Variants in SHANK2 observed in about 807,000 individuals in gnomAD.
The protein encoded by SHANK2 is SH3 and multiple ankyrin repeat domains protein 2.
SHANK2 carries 43 observed loss-of-function variants against 133.7 expected under a neutral mutation model. The ratio of observed to expected loss-of-function variants is 0.32; its 90% CI spans 0.25 to 0.41. SHANK2 has a LOEUF of 0.41. Among genes scored for constraint, SHANK2 ranks in the 10% least tolerant of loss-of-function variants. The probability of loss-of-function intolerance (pLI) is 1.00; values close to 1 mark genes in which losing one functional copy is unlikely to be tolerated. For synonymous variants in SHANK2, 1,017 were observed against 952.8 expected (o/e 1.07, Z -1.24); for missense variants, 1,994 against 2,235.8 (o/e 0.89, Z 2.18).
chr11:70,735,231 G>A (rs531712146), intron 14 of SHANK2, among the ~76,000 whole-genome samples: 1 of 152,344 alleles, frequency 6.6e-6, no homozygotes, highest in South Asian at 2.1e-4. Flanking sequence ...CACCTTGTGA[G>A]TGTTCTGCAA....
At chr11:71,150,926 T>C (rs1202711619) in intron 2 of SHANK2, among the ~76,000 whole-genome samples, 3 of 152,106 alleles carry the variant, frequency 2.0e-5, no homozygotes, top group African/African-American at 7.2e-5. Flanking sequence ...TTAGGAGTTT[T>C]CACACAACAT....
At chr11:70,752,343 G>A (rs1946766039) in intron 14 of SHANK2, among the ~76,000 whole-genome samples, 1 of 152,194 alleles carries the variant, frequency 6.6e-6, no homozygotes, top group South Asian at 2.1e-4. Flanking sequence ...AAGAAAGCCA[G>A]AGTGGCTATA....
chr11:70,798,709 C>T (rs190860435), intron 13 of SHANK2, among the ~76,000 whole-genome samples, 153 bp from the exon 14 acceptor site: 2 of 152,356 alleles, frequency 1.3e-5, no homozygotes, highest in East Asian at 1.9e-4. Context: ...GCACTTCCTT[C>T]AGCTGCTGAC....
In SHANK2 at chr11:70,500,346, G is replaced by T. The variant is rs1488288014; in HGVS notation, c.2308+224C>A. ...TCATGACGATGTGAACACAGGTCAGGGAAGAAACACAGGACACGCTGGGGA... is the reference window on the plus strand; with the variant it reads ...TCATGACGATGTGAACACAGGTCAGTGAAGAAACACAGGACACGCTGGGGA... On this transcript the variant is annotated intron_variant, in intron 21 of 25. Transcript: ENST00000601538. The surrounding 1 kb of genome is among the most constrained non-coding windows in gnomAD (Gnocchi z 4.5). 6.6e-6 allele frequency among the ~76,000 whole-genome samples: 1 copy of T among 152,070 alleles called. No homozygotes were observed. Among genetic ancestry groups the T allele is most frequent in the Non-Finnish European group, 1.5e-5 (1 of 68,030 alleles).
At chr11:70,817,300 C>T (rs1555054604) in intron 12 of SHANK2, among the ~76,000 whole-genome samples, 1 of 152,202 alleles carries the variant, frequency 6.6e-6, no homozygotes, top group Non-Finnish European at 1.5e-5. Context: ...CAGAGGGTTC[C>T]TCCTACAGCA....
chr11:71,115,839 A>T (rs1008723401), intron 4 of SHANK2, among the ~76,000 whole-genome samples: 4 of 152,294 alleles, frequency 2.6e-5, no homozygotes, highest in African/African-American at 9.6e-5. Flanking sequence ...TTCCTGGTCC[A>T]TCACCTCCCA....
chr11:70,683,620 C>T (rs1206061968), intron 15 of SHANK2, among the ~76,000 whole-genome samples: 1 of 152,180 alleles, frequency 6.6e-6, no homozygotes, highest in Non-Finnish European at 1.5e-5. Context: ...GAAATCAAGG[C>T]ATCGGCAGGG....
chr11:70,898,883 C>T (rs1471052219), intron 10 of SHANK2, among the ~76,000 whole-genome samples: 1 of 152,208 alleles, frequency 6.6e-6, no homozygotes, highest in African/African-American at 2.4e-5. Context: ...AAAGCAGGAA[C>T]TCTGCCAGTT....
chr11:71,156,783 T>C (rs1464374321), intron 2 of SHANK2, among the ~76,000 whole-genome samples: 1 of 152,176 alleles, frequency 6.6e-6, no homozygotes, highest in Non-Finnish European at 1.5e-5. Context: ...AAACGCAGCA[T>C]TTCCCAAGTG....
At chr11:71,154,312 C>T (rs1952857404) in intron 2 of SHANK2, among the ~76,000 whole-genome samples, 2 of 152,168 alleles carry the variant, frequency 1.3e-5, no homozygotes, top group African/African-American at 4.8e-5. Context: ...CAGGTTCCAT[C>T]GGATGTTAGA....
intron 3 of SHANK2, among the ~76,000 whole-genome samples, chr11:71,134,320 G>A (rs77673611): frequency 0.095 from 14,380 of 151,820 alleles, 1,835 homozygotes; most frequent in African/African-American, 0.29. Context: ...CCTCTTGGGG[G>A]GATGGAAGCT....
chr11:70,719,469 G>A (rs1555028418), intron 14 of SHANK2, among the ~76,000 whole-genome samples: 1 of 152,180 alleles, frequency 6.6e-6, no homozygotes, highest in African/African-American at 2.4e-5. Context: ...TCACTCTCAT[G>A]GGTGGCCTGG....
chr11:71,234,518 A>G (rs1954799424), intron 1 of SHANK2, among the ~76,000 whole-genome samples: 1 of 152,156 alleles, frequency 6.6e-6, no homozygotes, highest in African/African-American at 2.4e-5. Flanking sequence ...ACCCACAGGA[A>G]ATGCCCCCCG....
At chr11:70,537,326 T>G (rs1354704953) in intron 17 of SHANK2, among the ~76,000 whole-genome samples, 2 of 152,248 alleles carry the variant, frequency 1.3e-5, no homozygotes, top group Non-Finnish European at 2.9e-5. Context: ...ATGACTTTAT[T>G]TGGAAAAAGT....
intron 17 of SHANK2, among the ~76,000 whole-genome samples, chr11:70,524,883 C>T (rs1484779290): frequency 6.6e-6 from 1 of 152,270 alleles, no homozygotes; most frequent in African/African-American, 2.4e-5. Context: ...TGGACACATA[C>T]ATGCTCACAC....
At chr11:70,734,998 G>A (rs1946372117) in intron 14 of SHANK2, among the ~76,000 whole-genome samples, 1 of 152,208 alleles carries the variant, frequency 6.6e-6, no homozygotes, top group Admixed American at 6.5e-5. Flanking sequence ...GGCCTCGGCG[G>A]CTGTAGCACA....
chr11:70,620,990 G>A lies in SHANK2; in HGVS notation c.2061+38838C>T, dbSNP rs542068873. Among the ~76,000 whole-genome samples the A allele has an allele frequency of 7.2e-4, 110 of 152,310 alleles. 1 individual carries two copies. Among genetic ancestry groups the A allele is most frequent in the Non-Finnish European group, 1.2e-3 (81 of 68,028 alleles). ...TAAGACATGTGGGGTCCGGTATGAC[G>A]TAATATCTGTGTGACCACAACAGGC... is the stretch of plus-strand genomic sequence containing the variant. On this transcript the variant is annotated intron_variant, in intron 17 of 25. Transcript: ENST00000601538.
intron 14 of SHANK2, among the ~76,000 whole-genome samples, chr11:70,716,792 G>A (rs1310262164): frequency 2.6e-5 from 4 of 152,110 alleles, no homozygotes; most frequent in Admixed American, 2.6e-4. Flanking sequence ...CCGTAGTCTC[G>A]ACAGCTCATG....
At chr11:70,565,182 T>C (rs1003017744) in intron 17 of SHANK2, among the ~76,000 whole-genome samples, 1 of 152,012 alleles carries the variant, frequency 6.6e-6, no homozygotes, top group African/African-American at 2.4e-5. Context: ...TTGAGCTTTG[T>C]TCTGGGTGTA....
Sources: gnomAD v4.1 joint callset for allele counts (sites outside exome capture counted in the v4.1 genomes callset) on GRCh38, gnomAD v4.1.1 for gene constraint, Gnocchi (gnomAD v3.1) non-coding constraint, MANE v1.5 for transcripts, NCBI Gene and HGNC (gene_info 2026-07-23, HGNC 2026-07-21) for gene names.